IPCEF1: variants seen among roughly 807,000 people sequenced by gnomAD.
IPCEF1 encodes the protein interactor protein for cytohesin exchange factors 1.
IPCEF1 carries 31 observed loss-of-function variants against 50.9 expected under a neutral mutation model. The ratio of observed to expected loss-of-function variants is 0.61; its 90% CI spans 0.46 to 0.82. The LOEUF (loss-of-function observed/expected upper bound fraction) is 0.82, where lower values mean the gene tolerates loss of function less well. Among genes scored for constraint, IPCEF1 ranks in the 40% least tolerant of loss-of-function variants. The pLI is 0.00. For synonymous variants in IPCEF1, 181 were observed against 192.0 expected, an observed-to-expected ratio of 0.94 and a Z score of 0.47; for missense variants, 458 against 514.0, an observed-to-expected ratio of 0.89 and a Z score of 1.05.
In IPCEF1 at chr6:154,270,621, T is replaced by A. The variant is rs530034047; in HGVS notation, c.-17-4657A>T. 3.1e-3 allele frequency among the ~76,000 whole-genome samples: 470 copies of A among 152,358 alleles called. 3 individuals are homozygous for A. The highest frequency in any genetic ancestry group is 0.011 in the African/African-American group (442 of 41,588). ...TAATAATTGTAATAATAACTCTGAATAAAATTTTTTGGCTTAAATAATTTT... is the reference window on the plus strand; with the variant it reads ...TAATAATTGTAATAATAACTCTGAAAAAAATTTTTTGGCTTAAATAATTTT... On this transcript the variant is annotated intron_variant, in intron 2 of 11. Coordinates refer to ENST00000367220, the MANE Select transcript of IPCEF1 (RefSeq NM_001130700.2).
chr6:154,327,791 T>G (rs919197146), intron 1 of IPCEF1, among the ~76,000 whole-genome samples: 3 of 152,186 alleles, frequency 2.0e-5, no homozygotes, highest in Admixed American at 6.5e-5. Context: ...TGCAGCACTA[T>G]TCACAGTAGC....
intron 2 of IPCEF1, among the ~76,000 whole-genome samples, chr6:154,274,829 C>G (rs1182401656): frequency 2.0e-5 from 3 of 152,198 alleles, no homozygotes; most frequent in Non-Finnish European, 2.9e-5. Context: ...AATCAAGGTT[C>G]CCTTCCCCAG....
chr6:154,204,388 C>A (rs1348856514), intron 9 of IPCEF1, among the ~76,000 whole-genome samples: 1 of 152,248 alleles, frequency 6.6e-6, no homozygotes, highest in Non-Finnish European at 1.5e-5. Flanking sequence ...CAAAACAAAA[C>A]CAAAATGACA....
Position 154,157,728 on chromosome 6 carries a change from C to T in IPCEF1, c.*2100G>A, listed in dbSNP as rs981762761. The T allele has an allele frequency of 6.6e-6, 1 of 152,234 alleles. No homozygotes were observed. Among genetic ancestry groups the T allele is most frequent in the Non-Finnish European group, 1.5e-5 (1 of 68,046 alleles). 9.4% of individuals were successfully genotyped at this position (152,234 alleles called of 1,614,324 possible). A position where few individuals can be genotyped will look rare whatever the true frequency, so the allele number is the denominator to read the frequency against. ...AAATAGGTGGAAGGGCACTTTATGT[C>T]ACACTGTTATTTCTGCTATTGTTAT... On this transcript the variant is annotated 3_prime_UTR_variant, in exon 12 of 12. Coordinates refer to ENST00000367220, the MANE Select transcript of IPCEF1 (RefSeq NM_001130700.2).
rs1313396660 is a variant in IPCEF1, at chr6:154,167,016, G to GA, written c.1104+903dup. On this transcript the variant is annotated intron_variant, in intron 11 of 11. Coordinates refer to ENST00000367220, the MANE Select transcript of IPCEF1 (RefSeq NM_001130700.2). ...TTTTAGGGTGTTCAGATGTTCTACT[G>GA]ACTAACTGGGACGCCTAAGAGCCAC... Among the ~76,000 whole-genome samples, 3 of 152,132 alleles carry GA rather than the reference G, an allele frequency of 2.0e-5. No homozygotes were observed. The East Asian group carries it at 5.8e-4, about 29-fold the overall frequency.
At chr6:154,213,665 T>A (rs1778146656) in intron 8 of IPCEF1, among the ~76,000 whole-genome samples, 1 of 152,156 alleles carries the variant, frequency 6.6e-6, no homozygotes, top group Admixed American at 6.5e-5. Flanking sequence ...GGCAGCTAAA[T>A]CCTCCCTCTT....
At chr6:154,237,443 C>G (rs1399101237) in intron 5 of IPCEF1, among the ~76,000 whole-genome samples, 1 of 152,180 alleles carries the variant, frequency 6.6e-6, no homozygotes, top group African/African-American at 2.4e-5. Flanking sequence ...AAAAACCATT[C>G]CTGGTATCTG....
chr6:154,331,218 G>A, intron 1 of IPCEF1, among the ~76,000 whole-genome samples: 1 of 151,942 alleles, frequency 6.6e-6, no homozygotes, highest in African/African-American at 2.4e-5. Flanking sequence ...AGTAAGCTGA[G>A]GGTCACACTG....
chr6:154,272,214 A>G (rs1781917039), intron 2 of IPCEF1, among the ~76,000 whole-genome samples: 1 of 152,248 alleles, frequency 6.6e-6, no homozygotes, highest in African/African-American at 2.4e-5. Flanking sequence ...ATGCTTAGTA[A>G]GTGGTAGCAA....
intron 7 of IPCEF1, among the ~76,000 whole-genome samples, chr6:154,220,597 G>A (rs759367351): frequency 2.3e-4 from 35 of 152,156 alleles, no homozygotes; most frequent in Non-Finnish European, 1.3e-4. Context: ...AGCCGAGATC[G>A]CACCACTGCA....
chr6:154,296,649 G>A (rs1322529067), intron 1 of IPCEF1, among the ~76,000 whole-genome samples: 1 of 152,040 alleles, frequency 6.6e-6, no homozygotes, highest in Non-Finnish European at 1.5e-5. Context: ...CTAACACAGT[G>A]AAACCCCATC....
intron 9 of IPCEF1, among the ~76,000 whole-genome samples, chr6:154,206,877 G>A (rs1777542105): frequency 6.6e-6 from 1 of 152,220 alleles, no homozygotes; most frequent in Admixed American, 6.5e-5. Flanking sequence ...GACGATAAGG[G>A]CAAAATTGGC....
chr6:154,293,074 G>A (rs1782553330), intron 1 of IPCEF1, among the ~76,000 whole-genome samples: 1 of 152,160 alleles, frequency 6.6e-6, no homozygotes, highest in African/African-American at 2.4e-5. Context: ...TGCCGTGGGG[G>A]CCTCACAATC....
intron 1 of IPCEF1, among the ~76,000 whole-genome samples, chr6:154,326,560 A>C (rs1205186141): frequency 6.6e-6 from 1 of 152,226 alleles, no homozygotes; most frequent in East Asian, 1.9e-4. Flanking sequence ...CAAAGAAATC[A>C]GAGAGGACAC....
intron 1 of IPCEF1, among the ~76,000 whole-genome samples, chr6:154,295,869 AC>A (rs1562583485): frequency 2.8e-5 from 1 of 36,038 alleles, no homozygotes; most frequent in African/African-American, 6.2e-4. Context: ...GTGCACACGC[AC>A]ACACACACAC....
intron 1 of IPCEF1, among the ~76,000 whole-genome samples, chr6:154,336,319 ATGGAATATCATT>A (rs1783786029): frequency 6.6e-6 from 1 of 152,266 alleles, no homozygotes; most frequent in Admixed American, 6.5e-5. Context: ...TATGTACACA[ATGGAATATCATT>A]TGGCCATAAA....
intron 10 of IPCEF1, among the ~76,000 whole-genome samples, chr6:154,198,090 T>C (rs1157184221): frequency 2.0e-5 from 3 of 152,154 alleles, no homozygotes; most frequent in African/African-American, 7.2e-5. Context: ...AAAATGTTTG[T>C]CTCAGAATGA....
At chr6:154,320,517 C>T in intron 1 of IPCEF1, among the ~76,000 whole-genome samples, 1 of 152,136 alleles carries the variant, frequency 6.6e-6, no homozygotes, top group East Asian at 1.9e-4. Context: ...TTAAATAAAC[C>T]TTAATATTCT....
intron 10 of IPCEF1, among the ~76,000 whole-genome samples, chr6:154,186,133 T>C (rs540768718): frequency 6.6e-6 from 1 of 152,350 alleles, no homozygotes; most frequent in African/African-American, 2.4e-5. Flanking sequence ...ATTATCCATT[T>C]TAAATCTCCA....
Sources: allele counts gnomAD v4.1 joint callset (sites outside exome capture counted in the v4.1 genomes callset), GRCh38; gene constraint gnomAD v4.1.1; transcripts MANE v1.5; gene names NCBI Gene and HGNC (gene_info 2026-07-23, HGNC 2026-07-21).